The following PPFIA2 variants were observed in gnomAD, a reference collection of about 807,000 sequenced individuals.
PPFIA2 encodes the protein PPFI scaffold protein A2, also known as liprin-alpha-2.
PPFIA2 carries 46 observed loss-of-function variants against 175.5 expected under a neutral mutation model. That is an observed-to-expected ratio of 0.26 (90% CI 0.21 to 0.34). The LOEUF is 0.34. PPFIA2 is among the 10% of genes least tolerant of loss of function. The pLI, the probability that PPFIA2 is intolerant of heterozygous loss-of-function variation, is 1.00. For synonymous variants in PPFIA2, 568 were observed against 511.4 expected, an observed-to-expected ratio of 1.11 and a Z score of -1.49; for missense variants, 1,179 against 1,506.1, an observed-to-expected ratio of 0.78 and a Z score of 3.60.
In PPFIA2 at chr12:81,754,168, C is replaced by G. The variant is rs771707703; in HGVS notation, c.54G>C (p.Arg18Ser). The G allele has an allele frequency of 1.2e-6, 2 of 1,611,806 alleles. No homozygotes were observed. Among genetic ancestry groups the G allele is most frequent in the African/African-American group, 1.3e-5 (1 of 74,858 alleles). Residue 18 changes from arginine (R) to serine (S), a missense_variant, in exon 3 of 33, where the codon AGG becomes AGC. Transcript: ENST00000549396. The part of the protein sequence containing the change: ...TINEDTPMSQ[R>S]GSQSSGSDSD... ...AGTCCGAGCCACTGCTTTGGGACCCCCTTTGGCTCATTGGGGTGTCCTCAT... is the reference window on the plus strand; with the variant it reads ...AGTCCGAGCCACTGCTTTGGGACCCGCTTTGGCTCATTGGGGTGTCCTCAT...
chr12:81,608,156 G>T (rs529308894), intron 4 of PPFIA2, among the ~76,000 whole-genome samples: 10 of 152,176 alleles, frequency 6.6e-5, no homozygotes, highest in African/African-American at 2.4e-4. Context: ...ACTTGATTGT[G>T]GTGAATTAGT....
intron 3 of PPFIA2, among the ~76,000 whole-genome samples, chr12:81,703,977 A>G (rs573965019): frequency 1.3e-5 from 2 of 152,254 alleles, no homozygotes; most frequent in Admixed American, 1.3e-4. Context: ...TTGTTCCTTC[A>G]TTGAATTAAG....
intron 24 of PPFIA2, among the ~76,000 whole-genome samples, chr12:81,285,723 G>C (rs2043169473): frequency 6.6e-6 from 1 of 152,084 alleles, no homozygotes; most frequent in Admixed American, 6.6e-5. Flanking sequence ...TCGTCTAAAA[G>C]TATAGCACGT....
chr12:81,557,242 T>C (rs900919585), intron 4 of PPFIA2, among the ~76,000 whole-genome samples: 5 of 151,710 alleles, frequency 3.3e-5, no homozygotes, highest in Non-Finnish European at 5.9e-5. Context: ...AAAATACAGA[T>C]ATTATACGTA....
chr12:81,431,594 A>G (rs1184134116), intron 7 of PPFIA2, among the ~76,000 whole-genome samples: 1 of 152,202 alleles, frequency 6.6e-6, no homozygotes, highest in South Asian at 2.1e-4. Context: ...CTAAAAGAAC[A>G]TAAGAAATGC....
intron 4 of PPFIA2, among the ~76,000 whole-genome samples, chr12:81,557,403 C>T (rs1368070247): frequency 6.6e-6 from 1 of 151,912 alleles, no homozygotes; most frequent in Non-Finnish European, 1.5e-5. Flanking sequence ...CCCAAATCCC[C>T]ATATCTTAAA....
intron 3 of PPFIA2, among the ~76,000 whole-genome samples, chr12:81,737,524 T>A (rs1170370061): frequency 4.0e-5 from 6 of 151,862 alleles, no homozygotes; most frequent in Non-Finnish European, 8.8e-5. Context: ...GAGATGACTG[T>A]CACACAGTCA....
chr12:81,394,986 T>C (rs2040849053), intron 8 of PPFIA2, among the ~76,000 whole-genome samples: 1 of 152,024 alleles, frequency 6.6e-6, no homozygotes, highest in Non-Finnish European at 1.5e-5. Flanking sequence ...GTCTATACTT[T>C]TACAAGCTTT....
intron 4 of PPFIA2, among the ~76,000 whole-genome samples, chr12:81,625,951 A>G (rs905220447): frequency 4.6e-5 from 7 of 150,782 alleles, no homozygotes; most frequent in African/African-American, 1.7e-4. Flanking sequence ...AGTCACAGAA[A>G]GAGAAAGGGA....
intron 4 of PPFIA2, among the ~76,000 whole-genome samples, chr12:81,506,536 C>A (rs897192221): frequency 6.6e-6 from 1 of 152,166 alleles, no homozygotes; most frequent in Non-Finnish European, 1.5e-5. Flanking sequence ...ACAAAGGATA[C>A]AACTAACTTT....
At chr12:81,482,981 T>C (rs968707423) in intron 4 of PPFIA2, among the ~76,000 whole-genome samples, 1 of 152,170 alleles carries the variant, frequency 6.6e-6, no homozygotes, top group Non-Finnish European at 1.5e-5. Context: ...GGATATACTA[T>C]GATACATATT....
chr12:81,301,946 C>G (rs2047952955), intron 22 of PPFIA2, among the ~76,000 whole-genome samples: 1 of 152,052 alleles, frequency 6.6e-6, no homozygotes, highest in African/African-American at 2.4e-5. Context: ...TTATTTACTC[C>G]TCATTCTGTC....
intron 3 of PPFIA2, among the ~76,000 whole-genome samples, chr12:81,701,669 CTAGA>C (rs918497863): frequency 4.6e-5 from 7 of 152,040 alleles, no homozygotes; most frequent in African/African-American, 7.2e-5. Flanking sequence ...ATATAAATCA[CTAGA>C]TAGTTTATGA....
chr12:81,647,388 T>C (rs976608873), intron 4 of PPFIA2, among the ~76,000 whole-genome samples: 1 of 151,984 alleles, frequency 6.6e-6, no homozygotes, highest in African/African-American at 2.4e-5. Context: ...AAAGAACAAA[T>C]CATACATTCA....
chr12:81,452,862 G>A (rs1293786711), intron 5 of PPFIA2, among the ~76,000 whole-genome samples: 1 of 151,956 alleles, frequency 6.6e-6, no homozygotes, highest in African/African-American at 2.4e-5. Flanking sequence ...ATGCAATTAT[G>A]TCTTCTTTTT....
chr12:81,303,971 G>A (rs1415263882), intron 22 of PPFIA2, among the ~76,000 whole-genome samples: 3 of 152,142 alleles, frequency 2.0e-5, no homozygotes, highest in South Asian at 2.1e-4. Context: ...TCTCCTTAGC[G>A]ATTGTTGTTG....
intron 4 of PPFIA2, among the ~76,000 whole-genome samples, chr12:81,602,520 A>T (rs1460263288): frequency 1.3e-5 from 2 of 151,858 alleles, no homozygotes; most frequent in African/African-American, 4.8e-5. Flanking sequence ...TACTAGAATA[A>T]AGATATATTT....
At chr12:81,496,463 G>T (rs2060038173) in intron 4 of PPFIA2, among the ~76,000 whole-genome samples, 1 of 152,128 alleles carries the variant, frequency 6.6e-6, no homozygotes, top group South Asian at 2.1e-4. Context: ...GTCCTCATGA[G>T]ACTTTCTGAA....
chr12:81,445,223 G>GAGA (rs1258911475), intron 6 of PPFIA2, among the ~76,000 whole-genome samples: 56 of 62,782 alleles, frequency 8.9e-4, no homozygotes, highest in African/African-American at 3.2e-3. Flanking sequence ...GGGGGAGGGG[G>GAGA]GAGAGAGAGA....
Sources: gnomAD v4.1 joint callset for allele counts (sites outside exome capture counted in the v4.1 genomes callset) on GRCh38, gnomAD v4.1.1 for gene constraint, MANE v1.5 for transcripts, NCBI Gene and HGNC (gene_info 2026-07-23, HGNC 2026-07-21) for gene names.